Variants in USP25 observed in about 807,000 individuals in gnomAD.
The protein encoded by USP25 is ubiquitin carboxyl-terminal hydrolase 25.
Under a neutral mutation model 158.5 loss-of-function variants are expected in USP25, and 85 were observed. The observed-to-expected ratio is 0.54, with a 90% CI of 0.45 to 0.64. The LOEUF (loss-of-function observed/expected upper bound fraction) is 0.64, where lower values mean the gene tolerates loss of function less well. Among genes scored for constraint, USP25 ranks in the 30% least tolerant of loss-of-function variants. USP25 has a pLI of 0.00. For synonymous variants in USP25, 464 were observed against 460.4 expected (o/e 1.01, Z -0.10); for missense variants, 1,242 against 1,327.3 (o/e 0.94, Z 1.00).
rs76961340 is a variant in USP25 at position 15,830,125 on chromosome 21, A to G, written c.1694-406A>G. The stretch of plus-strand genomic sequence containing the variant: ...CATAATTTTATTTTCACTGGTGATT[A>G]TAGTCGATTTTTATTCAGTTATGTG... On this transcript the variant is annotated intron_variant, in intron 14 of 25. Transcript: ENST00000400183. Among the ~76,000 whole-genome samples, 1,328 of 152,290 alleles carry G rather than the reference A, an allele frequency of 8.7e-3. 10 individuals are homozygous for G. The highest frequency in any genetic ancestry group is 0.014 in the Non-Finnish European group (981 of 68,002).
At chr21:15,847,135 G>A (rs868388200) in intron 18 of USP25, among the ~76,000 whole-genome samples, 2 of 152,088 alleles carry the variant, frequency 1.3e-5, no homozygotes, top group South Asian at 2.1e-4. Context: ...AACAATAGAA[G>A]GATAAAATTA....
intron 1 of USP25, among the ~76,000 whole-genome samples, chr21:15,755,159 T>C (rs1307611982): frequency 6.6e-6 from 1 of 152,162 alleles, no homozygotes; most frequent in Non-Finnish European, 1.5e-5. Flanking sequence ...TCAGTTTTTT[T>C]TTTTTCCTCT....
intron 1 of USP25, among the ~76,000 whole-genome samples, chr21:15,733,609 G>T (rs2031182134): frequency 6.6e-6 from 1 of 152,076 alleles, no homozygotes; most frequent in African/African-American, 2.4e-5. Context: ...GGGAAGGTGA[G>T]GCAGGCGGAT....
At chr21:15,805,922 G>A (rs981966277) in intron 7 of USP25, among the ~76,000 whole-genome samples, 6 of 152,150 alleles carry the variant, frequency 3.9e-5, no homozygotes, top group African/African-American at 1.4e-4. Flanking sequence ...GTTTTTTAAA[G>A]TACATACTTG....
chr21:15,877,726 A>C (rs541353630), intron 24 of USP25, 70 bp from the exon 25 acceptor site: 2 of 1,104,452 alleles, frequency 1.8e-6, no homozygotes, highest in Admixed American at 2.7e-5. Context: ...TTCCTTATTA[A>C]TACTTACAGA....
chr21:15,750,217 T>G (rs1428236042), intron 1 of USP25, among the ~76,000 whole-genome samples: 2,908 of 101,398 alleles, frequency 0.029, 66 homozygotes, highest in African/African-American at 0.14. Flanking sequence ...TGTGTATGTT[T>G]TTTTTTTTTT....
chr21:15,807,870 A>G (rs924122991), intron 7 of USP25, among the ~76,000 whole-genome samples: 2 of 152,188 alleles, frequency 1.3e-5, no homozygotes, highest in Admixed American at 6.5e-5. Context: ...CCCGCCACAG[A>G]TGTTATGAAT....
At chr21:15,855,123 G>A (rs1262981182) in intron 20 of USP25, among the ~76,000 whole-genome samples, 1 of 152,118 alleles carries the variant, frequency 6.6e-6, no homozygotes, top group Non-Finnish European at 1.5e-5. Context: ...TATGGGATTA[G>A]TGTAAGTTTT....
rs1484178022 is a variant in USP25, at chr21:15,827,057, C to T, written c.1547C>T (p.Ser516Leu). 1.2e-6 allele frequency: 2 copies of T among 1,614,156 alleles called. No homozygotes were observed. Among genetic ancestry groups the T allele is most frequent in the Non-Finnish European group, 8.5e-7 (1 of 1,180,026 alleles). ...TCAGTTGCTGCCATTTCATCGAGATCAGTAATACACAAACCATTTACTCAG... is the reference window on the plus strand; with the variant it reads ...TCAGTTGCTGCCATTTCATCGAGATTAGTAATACACAAACCATTTACTCAG... Reference protein sequence around the residue: ...PSSVAAISSRSVIHKPFTQSR... With the variant: ...PSSVAAISSRLVIHKPFTQSR... Residue 516 changes from serine (S) to leucine (L), a missense_variant, in exon 14 of 26, where the codon TCA becomes TTA. This residue lies in a region of USP25 where 627 missense variants were observed against 701.4 expected (regional missense o/e 0.89). Transcript: ENST00000400183.
intron 24 of USP25, 184 bp from the exon 25 acceptor site, chr21:15,877,612 G>A (rs866362605): frequency 2.1e-6 from 1 of 481,944 alleles, no homozygotes; most frequent in South Asian, 3.1e-5. Context: ...GTTGCCATAT[G>A]CATAGCTTTT....
rs777452506 is a variant in USP25, at chr21:15,776,339, T to TA, written c.269-1557dup. Among the ~76,000 whole-genome samples the TA allele has an allele frequency of 1.4e-3, 215 of 151,908 alleles. 1 individual carries two copies. The highest frequency in any genetic ancestry group is 0.01 in the Middle Eastern group (3 of 292). On this transcript the variant is annotated intron_variant, in intron 3 of 25. Transcript: ENST00000400183. ...GTTTTATTATACTCTCTAAAGACAT[T>TA]AAAAAAAACACCACCACTTCCTTCC...
At chr21:15,835,697 CT>C (rs1876562658) in intron 17 of USP25, among the ~76,000 whole-genome samples, 1 of 152,082 alleles carries the variant, frequency 6.6e-6, no homozygotes, top group Non-Finnish European at 1.5e-5. Context: ...TTATAGTTAC[CT>C]TTCAGCGTGG....
At chr21:15,735,522 C>A (rs1055180228) in intron 1 of USP25, among the ~76,000 whole-genome samples, 3 of 152,112 alleles carry the variant, frequency 2.0e-5, no homozygotes, top group African/African-American at 7.2e-5. Flanking sequence ...AGATTTTGGC[C>A]TCTGGGGGTC....
chr21:15,779,860 G>A (rs1032497743), intron 4 of USP25, among the ~76,000 whole-genome samples: 3 of 151,996 alleles, frequency 2.0e-5, no homozygotes, highest in African/African-American at 4.8e-5. Flanking sequence ...AAGTAAAAGA[G>A]TCATATTAAT....
At chr21:15,867,914 T>A (rs2039726444) in intron 22 of USP25, among the ~76,000 whole-genome samples, 1 of 152,120 alleles carries the variant, frequency 6.6e-6, no homozygotes, top group African/African-American at 2.4e-5. Context: ...TATTAATATA[T>A]AGATATCACT....
intron 4 of USP25, among the ~76,000 whole-genome samples, chr21:15,785,531 C>G (rs1684810980): frequency 6.6e-6 from 1 of 152,020 alleles, no homozygotes; most frequent in Admixed American, 6.5e-5. Flanking sequence ...CGTTAGAAAC[C>G]AACAAATACA....
chr21:15,805,010 A>C, intron 6 of USP25, 111 bp from the exon 7 acceptor site: 1 of 1,151,168 alleles, frequency 8.7e-7, no homozygotes, highest in Non-Finnish European at 1.2e-6. Context: ...TCATCCCTAA[A>C]CTATATTGGC....
intron 6 of USP25, 127 bp from the exon 7 acceptor site, chr21:15,804,994 G>A: frequency 1.0e-6 from 1 of 969,276 alleles, no homozygotes; most frequent in South Asian, 2.1e-5. Context: ...ATGATAGAGT[G>A]CTAATTCATC....
intron 4 of USP25, among the ~76,000 whole-genome samples, chr21:15,783,889 G>C (rs1017416308): frequency 2.6e-5 from 4 of 152,020 alleles, no homozygotes; most frequent in African/African-American, 9.7e-5. Context: ...AGAATGGCGT[G>C]AACCCAGGAG....
Sources: allele counts gnomAD v4.1 joint callset (sites outside exome capture counted in the v4.1 genomes callset), GRCh38; gene constraint gnomAD v4.1.1; regional missense constraint gnomAD v4.1.1; transcripts MANE v1.5; gene names NCBI Gene and HGNC (gene_info 2026-07-23, HGNC 2026-07-21).